MYO5A: variants seen among roughly 807,000 people sequenced by gnomAD.
MYO5A encodes myosin VA.
Under a neutral mutation model 249.7 loss-of-function variants are expected in MYO5A, and 98 were observed. The observed-to-expected ratio is 0.39, with a 90% CI of 0.33 to 0.46. The LOEUF (loss-of-function observed/expected upper bound fraction) is 0.46. Among genes scored for constraint, MYO5A ranks in the 20% least tolerant of loss-of-function variants. The pLI is 0.98. For synonymous variants in MYO5A, 778 were observed against 810.6 expected, an observed-to-expected ratio of 0.96 and a Z score of 0.68; for missense variants, 1,696 against 2,308.8, an observed-to-expected ratio of 0.73 and a Z score of 5.44.
In MYO5A at chr15:52,312,965, TA is replaced by T. The variant is rs2037832500; in HGVS notation, c.*730del. On this transcript the variant is annotated 3_prime_UTR_variant, in exon 42 of 42. Coordinates refer to ENST00000399233, the MANE Select transcript of MYO5A (RefSeq NM_001382347.1). The stretch of plus-strand genomic sequence containing the variant: ...TGTAGGTATTTGCATATAATCCAGT[TA>T]AAACTGTGATCTGATTGAATTGTAA... 6.6e-6 allele frequency: 1 copy of T among 152,668 alleles called. No individual in the cohort carries two copies. The highest frequency in any genetic ancestry group is 2.4e-5 in the African/African-American group (1 of 41,468). 9.5% of individuals were successfully genotyped at this position (152,668 alleles called of 1,614,324 possible).
intron 1 of MYO5A, among the ~76,000 whole-genome samples, chr15:52,515,756 G>C (rs2077484223): frequency 6.6e-6 from 1 of 152,146 alleles, no homozygotes; most frequent in Non-Finnish European, 1.5e-5. Context: ...GGAAGAGCAA[G>C]CAGGCTGGAA....
chr15:52,364,592 T>G lies in MYO5A; in HGVS notation c.3271A>C (p.Arg1091=). Residue 1091 remains arginine (R), a synonymous_variant, in exon 24 of 42, where the codon AGA becomes CGA. Coordinates refer to ENST00000399233, the MANE Select transcript of MYO5A (RefSeq NM_001382347.1). ...ATCTCTTCCTTGAGGTCATCATATC[T>G]TTCTTCCAGGCGACTGAACTCATTC... ...LLNEFSRLEE[R]YDDLKEEMTL... is the part of the protein sequence containing the mutation. 1 of 1,614,028 alleles carries G rather than the reference T, an allele frequency of 6.2e-7. No homozygotes were observed. The highest frequency in any genetic ancestry group is 8.5e-7 in the Non-Finnish European group (1 of 1,179,968).
chr15:52,392,544 T>TA (rs1341991259), intron 11 of MYO5A, among the ~76,000 whole-genome samples: 1 of 152,236 alleles, frequency 6.6e-6, no homozygotes, highest in Admixed American at 6.5e-5. Context: ...GGCTCAGAAT[T>TA]AGTTAATGAC....
At chr15:52,457,279 A>C (rs2076136977) in intron 1 of MYO5A, among the ~76,000 whole-genome samples, 1 of 152,010 alleles carries the variant, frequency 6.6e-6, no homozygotes, top group East Asian at 1.9e-4. Context: ...CTATCTCTAC[A>C]AAAAATACAA....
intron 20 of MYO5A, among the ~76,000 whole-genome samples, chr15:52,375,051 G>A (rs1215761889): frequency 2.6e-5 from 4 of 152,090 alleles, no homozygotes; most frequent in African/African-American, 9.7e-5. Context: ...AAGCCACAGT[G>A]GGAAGACTGC....
chr15:52,509,494 T>C (rs1482994316), intron 1 of MYO5A, among the ~76,000 whole-genome samples: 1 of 152,190 alleles, frequency 6.6e-6, no homozygotes, highest in Non-Finnish European at 1.5e-5. Context: ...GACAGCATGA[T>C]TAATGAAGAA....
At chr15:52,466,932 T>C (rs569769371) in intron 1 of MYO5A, among the ~76,000 whole-genome samples, 16 of 152,172 alleles carry the variant, frequency 1.1e-4, no homozygotes, top group Admixed American at 7.9e-4. Flanking sequence ...GCACAGGAGG[T>C]TGTGTGTCTG....
chr15:52,483,315 A>C (rs1171897308), intron 1 of MYO5A, among the ~76,000 whole-genome samples: 1 of 152,306 alleles, frequency 6.6e-6, no homozygotes, highest in African/African-American at 2.4e-5. Context: ...TTGTCCAATC[A>C]GCTTGGCTGG....
chr15:52,434,004 T>TC (rs1567122323), intron 1 of MYO5A, among the ~76,000 whole-genome samples: 1 of 149,276 alleles, frequency 6.7e-6, no homozygotes, highest in African/African-American at 2.5e-5. Context: ...TTTTTCTTTT[T>TC]TTTTTTTTTT....
chr15:52,383,391 A>C (rs1490967096), intron 15 of MYO5A, among the ~76,000 whole-genome samples: 1 of 152,210 alleles, frequency 6.6e-6, no homozygotes, highest in South Asian at 2.1e-4. Flanking sequence ...TACCATTTTC[A>C]TGCTTACTCT....
chr15:52,437,867 C>T (rs2075700514), intron 1 of MYO5A, among the ~76,000 whole-genome samples: 1 of 152,194 alleles, frequency 6.6e-6, no homozygotes, highest in Admixed American at 6.5e-5. Flanking sequence ...ATGTTAACAA[C>T]ACTTACAGAT....
intron 36 of MYO5A, among the ~76,000 whole-genome samples, chr15:52,325,822 T>TA (rs1187168740): frequency 2.0e-5 from 3 of 151,548 alleles, no homozygotes; most frequent in East Asian, 1.9e-4. Flanking sequence ...CTTTGGAAAT[T>TA]AAAAAAAAAT....
At position 52,343,120 on chromosome 15, in the gene MYO5A, T is replaced by G; in HGVS notation, c.4037A>C (p.Asn1346Thr). Residue 1346 changes from asparagine (N) to threonine (T), a missense_variant, in exon 31 of 42, where the codon AAC (asparagine) becomes ACC (threonine). Coordinates refer to ENST00000399233, the MANE Select transcript of MYO5A (RefSeq NM_001382347.1). ...ATTTTGAGGAGACAAATATAACCTG[T>G]TGGCTTGTTTTAACCCTTCATAAAC... Reference protein sequence around the residue: ...WLVYEGLKQANRLLESQLQSQ... With the variant: ...WLVYEGLKQATRLLESQLQSQ... The G allele has an allele frequency of 1.9e-6, 3 of 1,610,204 alleles. No homozygotes were observed. The highest frequency in any genetic ancestry group is 2.6e-6 in the Non-Finnish European group (3 of 1,176,424).
At chr15:52,414,707 A>T (rs186454159) in intron 5 of MYO5A, among the ~76,000 whole-genome samples, 108 of 152,288 alleles carry the variant, frequency 7.1e-4, no homozygotes, top group Non-Finnish European at 1.3e-3. Context: ...GTCATGACCA[A>T]AACCAGTCAA....
intron 38 of MYO5A, 109 bp downstream of exon 38, chr15:52,321,250 T>C (rs1178814980): frequency 1.4e-6 from 2 of 1,445,714 alleles, no homozygotes; most frequent in African/African-American, 2.8e-5. Context: ...CTTACTACTT[T>C]ATGCTCCCCA....
At chr15:52,504,000 C>A (rs548337331) in intron 1 of MYO5A, among the ~76,000 whole-genome samples, 1 of 150,524 alleles carries the variant, frequency 6.6e-6, no homozygotes, top group East Asian at 1.9e-4. Context: ...GAGCTTTTAA[C>A]GCTTGCATGA....
At chr15:52,341,854 T>C (rs957165501) in intron 31 of MYO5A, among the ~76,000 whole-genome samples, 1 of 152,212 alleles carries the variant, frequency 6.6e-6, no homozygotes, top group Non-Finnish European at 1.5e-5. Flanking sequence ...CTAGAGCAGA[T>C]GAATGTCTGT....
At chr15:52,487,868 T>C (rs11852556) in intron 1 of MYO5A, among the ~76,000 whole-genome samples, 22,424 of 152,078 alleles carry the variant, frequency 0.15, 1,785 homozygotes, top group Middle Eastern at 0.22. Flanking sequence ...CTACCCCACA[T>C]TCCCAGACAG....
chr15:52,526,677 G>C (rs1016490373), intron 1 of MYO5A, among the ~76,000 whole-genome samples: 6 of 152,056 alleles, frequency 3.9e-5, no homozygotes, highest in Non-Finnish European at 5.9e-5. Context: ...TTTTTTTGTA[G>C]AGACCAGGTC....
Sources: allele counts gnomAD v4.1 joint callset (sites outside exome capture counted in the v4.1 genomes callset), GRCh38; gene constraint gnomAD v4.1.1; transcripts MANE v1.5; gene names NCBI Gene and HGNC (gene_info 2026-07-23, HGNC 2026-07-21).